Variants in AGBL3 observed in about 807,000 individuals in gnomAD.
The protein encoded by AGBL3 is AGBL carboxypeptidase 3.
A neutral mutation model predicts 94.5 loss-of-function variants in AGBL3; 68 were observed. That is an observed-to-expected ratio of 0.72 (90% CI 0.59 to 0.88). The LOEUF (loss-of-function observed/expected upper bound fraction) is 0.88. AGBL3 is among the 40% of genes least tolerant of loss of function. AGBL3 has a pLI of 0.00. For synonymous variants in AGBL3, 354 were observed against 370.7 expected, an observed-to-expected ratio of 0.95 and a Z score of 0.52; for missense variants, 934 against 1,103.8, an observed-to-expected ratio of 0.85 and a Z score of 2.18.
intron 15 of AGBL3, among the ~76,000 whole-genome samples, chr7:135,100,586 G>A (rs1823685097): frequency 6.6e-6 from 1 of 152,110 alleles, no homozygotes; most frequent in Admixed American, 6.5e-5. Context: ...TAAATAAAAT[G>A]GGTTCTGATG....
intron 12 of AGBL3, among the ~76,000 whole-genome samples, chr7:135,071,449 G>A (rs1169074497): frequency 1.3e-5 from 2 of 152,032 alleles, no homozygotes; most frequent in Non-Finnish European, 2.9e-5. Flanking sequence ...AGCCCGCATT[G>A]CCAAGTCAAT....
intron 12 of AGBL3, among the ~76,000 whole-genome samples, chr7:135,069,967 T>TA (rs1479435663): frequency 6.6e-6 from 1 of 152,134 alleles, no homozygotes; most frequent in African/African-American, 2.4e-5. Context: ...ACAAAATTGA[T>TA]AGACTGCTAG....
intron 15 of AGBL3, among the ~76,000 whole-genome samples, chr7:135,083,183 C>T (rs908977934): frequency 6.6e-6 from 1 of 152,106 alleles, no homozygotes; most frequent in African/African-American, 2.4e-5. Context: ...AGATTCTTAT[C>T]ATCATCCACT....
At position 135,060,157 on chromosome 7, in the gene AGBL3, G is replaced by C. The variant is rs11981949; in HGVS notation, c.1908+922G>C. On this transcript the variant is annotated intron_variant, in intron 12 of 16. Coordinates refer to ENST00000436302, the MANE Select transcript of AGBL3 (RefSeq NM_178563.4). ...GTCTACCTCAAAACCTCTTTTTCCA[G>C]TGACCCAAGTCTATCCAGCAGATTT... Among the ~76,000 whole-genome samples, 594 of 152,242 alleles carry C rather than the reference G, an allele frequency of 3.9e-3. 3 individuals carry two copies. The highest frequency in any genetic ancestry group is 0.013 in the African/African-American group (540 of 41,542).
intron 15 of AGBL3, chr7:135,093,580 C>T (rs1443847777): frequency 6.6e-6 from 1 of 151,982 alleles, no homozygotes; most frequent in East Asian, 1.9e-4. Flanking sequence ...AAACTGAAAA[C>T]TACAAAAAAC....
intron 11 of AGBL3, among the ~76,000 whole-genome samples, chr7:135,056,339 C>T (rs1407127990): frequency 3.3e-5 from 5 of 152,046 alleles, no homozygotes; most frequent in Admixed American, 6.6e-5. Flanking sequence ...TTGGATTGTT[C>T]ATTTTAAAGC....
intron 16 of AGBL3, among the ~76,000 whole-genome samples, chr7:135,122,102 A>C (rs1011649533): frequency 6.6e-6 from 1 of 152,202 alleles, no homozygotes; most frequent in Non-Finnish European, 1.5e-5. Context: ...GGCAGCAGCC[A>C]GCACTGGGAC....
chr7:135,044,063 C>A lies in AGBL3; in HGVS notation c.1539C>A (p.Ser513Arg), dbSNP rs1178430740. The A allele has an allele frequency of 6.5e-7, 1 of 1,550,138 alleles. No homozygotes were observed. Among genetic ancestry groups the A allele is most frequent in the South Asian group, 1.2e-5 (1 of 83,942 alleles). The stretch of plus-strand genomic sequence containing the variant: ...CTTGCAAGTTTAATGTCCAGAAGAG[C>A]AAAGAAGGAACAGGAAGGGTGGTAA... ...FSACKFNVQK[S>R]KEGTGRVVMW... The change falls in exon 9 of 17, where the codon AGC becomes AGA. Residue 513 changes from serine (S) to arginine (R), a missense_variant. Physicochemically the swap from Ser to Arg is moderately radical, Grantham distance 110 (BLOSUM62 -1). Transcript: ENST00000436302.
chr7:135,070,001 G>A (rs1268881723), intron 12 of AGBL3, among the ~76,000 whole-genome samples: 2 of 152,060 alleles, frequency 1.3e-5, no homozygotes, highest in Non-Finnish European at 2.9e-5. Context: ...GAAGAAAAGA[G>A]AGAAGAATCA....
intron 4 of AGBL3, among the ~76,000 whole-genome samples, chr7:134,996,138 G>C (rs1428378148): frequency 1.3e-5 from 2 of 152,168 alleles, no homozygotes; most frequent in African/African-American, 4.8e-5. Flanking sequence ...ACAGGATACG[G>C]TGCAGCAAGA....
chr7:135,021,406 C>T (rs1416206808), intron 5 of AGBL3, among the ~76,000 whole-genome samples: 11 of 151,874 alleles, frequency 7.2e-5, no homozygotes, highest in Non-Finnish European at 1.6e-4. Context: ...ATTCTCCTGC[C>T]TCAGCCTCCC....
At chr7:134,989,136 A>T (rs2133354155) in intron 2 of AGBL3, 114 bp from the exon 3 acceptor site, 2 of 665,720 alleles carry the variant, frequency 3.0e-6, no homozygotes, top group Non-Finnish European at 5.1e-6. Flanking sequence ...TTTCTCGTTT[A>T]TTAAAGGTTA....
chr7:135,059,296 A>T, intron 12 of AGBL3, 61 bp downstream of exon 12: 1 of 1,218,482 alleles, frequency 8.2e-7, no homozygotes, highest in South Asian at 1.7e-5. Flanking sequence ...TCTTATTGTG[A>T]CTAATAATCA....
chr7:135,084,571 A>G (rs1339769870), intron 15 of AGBL3, among the ~76,000 whole-genome samples: 4 of 152,104 alleles, frequency 2.6e-5, no homozygotes, highest in Non-Finnish European at 5.9e-5. Context: ...TTAAGCTTCT[A>G]CATATGAATG....
chr7:135,051,270 T>C (rs771441263), intron 11 of AGBL3: 1 of 188,008 alleles, frequency 5.3e-6, no homozygotes, highest in Non-Finnish European at 1.1e-5. Context: ...CTAATATGTT[T>C]GTTTCCAGAT....
chr7:135,087,634 A>G (rs1222133144), intron 15 of AGBL3, among the ~76,000 whole-genome samples: 1 of 151,980 alleles, frequency 6.6e-6, no homozygotes, highest in Non-Finnish European at 1.5e-5. Flanking sequence ...TACAATTTTG[A>G]AAGTTCTTCT....
intron 4 of AGBL3, among the ~76,000 whole-genome samples, chr7:135,014,660 C>G (rs576573185): frequency 6.6e-6 from 1 of 151,948 alleles, no homozygotes; most frequent in South Asian, 2.1e-4. Flanking sequence ...GAAAATGAAA[C>G]ATATGGTGAA....
intron 16 of AGBL3, among the ~76,000 whole-genome samples, chr7:135,125,662 C>T (rs1371005773): frequency 2.6e-5 from 4 of 152,114 alleles, no homozygotes; most frequent in African/African-American, 9.7e-5. Context: ...ACTGGCAAAC[C>T]GAATCCAGCA....
chr7:135,019,199 T>G (rs1428772326), intron 5 of AGBL3, among the ~76,000 whole-genome samples: 4 of 152,246 alleles, frequency 2.6e-5, no homozygotes, highest in Non-Finnish European at 5.9e-5. Context: ...ATCATATAAC[T>G]ATACCACACT....
Sources: gnomAD v4.1 joint callset for allele counts (sites outside exome capture counted in the v4.1 genomes callset) on GRCh38, gnomAD v4.1.1 for gene constraint, MANE v1.5 for transcripts, NCBI Gene and HGNC (gene_info 2026-07-23, HGNC 2026-07-21) for gene names.